TAFA1: variants seen among roughly 807,000 people sequenced by gnomAD.
TAFA1 encodes TAFA chemokine like family member 1.
In TAFA1, 4 loss-of-function variants were observed where a neutral mutation model predicts 18.5. The observed-to-expected ratio is 0.22, with a 90% CI of 0.11 to 0.49. TAFA1 has a LOEUF of 0.49. Ranked by LOEUF, TAFA1 falls within the 20% of genes least tolerant of loss-of-function variation. The pLI is 0.98. For missense variants in TAFA1, 147 were observed against 169.0 expected, an observed-to-expected ratio of 0.87 and a Z score of 0.72; for synonymous variants, 56 against 55.2, an observed-to-expected ratio of 1.01 and a Z score of -0.06.
chr3:68,161,042 T>C (rs1017691964), intron 2 of TAFA1, among the ~76,000 whole-genome samples: 2 of 152,248 alleles, frequency 1.3e-5, no homozygotes, highest in Non-Finnish European at 2.9e-5. Flanking sequence ...ATGCCTTTAA[T>C]TGCTTTTGTT....
chr3:68,517,946 A>ACACACT (rs1201874507), intron 3 of TAFA1, among the ~76,000 whole-genome samples: 1 of 148,634 alleles, frequency 6.7e-6, no homozygotes, highest in Non-Finnish European at 1.5e-5. Context: ...ACACACACAC[A>ACACACT]CTCACACACA....
intron 2 of TAFA1, among the ~76,000 whole-genome samples, chr3:68,340,175 A>G (rs953999939): frequency 6.6e-6 from 1 of 152,208 alleles, no homozygotes. Context: ...ATTCTACTGT[A>G]GAAGACAGCA....
intron 3 of TAFA1, among the ~76,000 whole-genome samples, chr3:68,499,052 T>A (rs760697046): frequency 2.0e-5 from 3 of 152,086 alleles, no homozygotes; most frequent in Non-Finnish European, 4.4e-5. Flanking sequence ...AGTAGTCAAC[T>A]TCTTGTCATT....
At chr3:68,259,645 T>A (rs1188652376) in intron 2 of TAFA1, among the ~76,000 whole-genome samples, 1 of 152,146 alleles carries the variant, frequency 6.6e-6, no homozygotes, top group African/African-American at 2.4e-5. Context: ...CTTGAAGAGG[T>A]CCTTCACATC....
intron 2 of TAFA1, among the ~76,000 whole-genome samples, chr3:68,364,473 AAG>A (rs1002969936): frequency 1.3e-5 from 2 of 152,198 alleles, no homozygotes; most frequent in African/African-American, 4.8e-5. Flanking sequence ...CAGCACCGTA[AAG>A]AGAGATTTGG....
chr3:68,045,343 G>C (rs760710683), intron 2 of TAFA1, among the ~76,000 whole-genome samples: 14 of 152,144 alleles, frequency 9.2e-5, no homozygotes, highest in Non-Finnish European at 1.3e-4. Flanking sequence ...CAGAGGTGGG[G>C]CATTACATTT....
At chr3:68,390,024 AG>A (rs2106706765) in intron 2 of TAFA1, among the ~76,000 whole-genome samples, 1 of 152,152 alleles carries the variant, frequency 6.6e-6, no homozygotes, top group Admixed American at 6.5e-5. Flanking sequence ...TCCCCTGGAA[AG>A]GGGGGTGAAG....
At chr3:68,121,048 T>C (rs2065392166) in intron 2 of TAFA1, among the ~76,000 whole-genome samples, 1 of 152,182 alleles carries the variant, frequency 6.6e-6, no homozygotes, top group Non-Finnish European at 1.5e-5. Flanking sequence ...TACAGTCGCT[T>C]TTTGTCTCAG....
chr3:68,001,126 C>T (rs1028096835), upstream of TAFA1, among the ~76,000 whole-genome samples: 1 of 152,068 alleles, frequency 6.6e-6, no homozygotes, highest in Non-Finnish European at 1.5e-5. Context: ...ACATGTATTG[C>T]TTTGGTTAGA....
chr3:68,412,544 A>T (rs958562881), intron 2 of TAFA1, among the ~76,000 whole-genome samples: 2 of 152,000 alleles, frequency 1.3e-5, no homozygotes, highest in Non-Finnish European at 2.9e-5. Flanking sequence ...ACTCCACAAC[A>T]GGCCCCAGTG....
intron 3 of TAFA1, among the ~76,000 whole-genome samples, chr3:68,437,687 G>A (rs1273834932): frequency 6.6e-6 from 1 of 152,050 alleles, no homozygotes; most frequent in Non-Finnish European, 1.5e-5. Flanking sequence ...TAAGGGCAGA[G>A]TCCTTATGAC....
intron 2 of TAFA1, among the ~76,000 whole-genome samples, chr3:68,249,796 C>T (rs931838445): frequency 3.3e-5 from 5 of 152,128 alleles, no homozygotes; most frequent in African/African-American, 7.2e-5. Context: ...AGAGAAGGCA[C>T]ACCATTGACC....
chr3:68,223,949 C>T (rs914084893), intron 2 of TAFA1, among the ~76,000 whole-genome samples: 1 of 150,702 alleles, frequency 6.6e-6, no homozygotes, highest in African/African-American at 2.4e-5. Context: ...ATGAATTTGA[C>T]TAAACCTTAA....
chr3:68,544,251 T>A (rs760240167), intron 4 of TAFA1, among the ~76,000 whole-genome samples: 4 of 152,114 alleles, frequency 2.6e-5, no homozygotes, highest in Non-Finnish European at 5.9e-5. Flanking sequence ...GCCTCACTCC[T>A]CAGGAGTGAC....
chr3:68,304,470 G>C (rs2068369546), intron 2 of TAFA1, among the ~76,000 whole-genome samples: 1 of 152,128 alleles, frequency 6.6e-6, no homozygotes, highest in East Asian at 1.9e-4. Flanking sequence ...GGTGTGATTT[G>C]AATCTGTATC....
At chr3:68,018,515 G>A (rs1026715965) in intron 2 of TAFA1, among the ~76,000 whole-genome samples, 9 of 152,078 alleles carry the variant, frequency 5.9e-5, no homozygotes, top group Non-Finnish European at 2.9e-5. Context: ...TCCTAGGGGC[G>A]GAGGACTACA....
chr3:68,480,448 A>C (rs1486157936), intron 3 of TAFA1, among the ~76,000 whole-genome samples: 1 of 152,020 alleles, frequency 6.6e-6, no homozygotes, highest in East Asian at 1.9e-4. Context: ...CTTAGGATCT[A>C]CTCAGGACCA....
chr3:68,060,497 C>A (rs1332830065), intron 2 of TAFA1, among the ~76,000 whole-genome samples: 1 of 152,148 alleles, frequency 6.6e-6, no homozygotes, highest in Non-Finnish European at 1.5e-5. Flanking sequence ...TGAAACTAGG[C>A]CGGTAGAATT....
intron 3 of TAFA1, among the ~76,000 whole-genome samples, chr3:68,509,473 AACTAATT>A: frequency 6.6e-6 from 1 of 152,244 alleles, no homozygotes; most frequent in African/African-American, 2.4e-5. Flanking sequence ...ATCAAGACAA[AACTAATT>A]CTTAATTTTA....
Sources: gnomAD v4.1 joint callset for allele counts (sites outside exome capture counted in the v4.1 genomes callset) on GRCh38, gnomAD v4.1.1 for gene constraint, MANE v1.5 for transcripts, NCBI Gene and HGNC (gene_info 2026-07-23, HGNC 2026-07-21) for gene names.